Variants in TSHZ3 observed in about 807,000 individuals in gnomAD.
TSHZ3 encodes teashirt zinc finger homeobox 3.
TSHZ3 carries 10 observed loss-of-function variants against 64.5 expected under a neutral mutation model. The observed-to-expected ratio is 0.16, with a 90% CI of 0.10 to 0.26. TSHZ3 has a LOEUF of 0.26. Among genes scored for constraint, TSHZ3 ranks in the 10% least tolerant of loss-of-function variants. TSHZ3 has a pLI of 1.00. For synonymous variants in TSHZ3, 608 were observed against 593.1 expected (o/e 1.03, Z -0.36); for missense variants, 1,242 against 1,421.7 (o/e 0.87, Z 2.03).
At chr19:31,311,060 C>G in intron 1 of TSHZ3, among the ~76,000 whole-genome samples, 1 of 152,190 alleles carries the variant, frequency 6.6e-6, no homozygotes, top group East Asian at 1.9e-4. Context: ...GGAGGTGGTG[C>G]CACCTGGTAA....
rs147823653 is a variant in TSHZ3, at chr19:31,223,262, G to C, written n.686+4743C>G. On this transcript the variant is annotated intron_variant and non_coding_transcript_variant, in intron 4 of 6. Coordinates refer to the TSHZ3 transcript ENST00000651361. ...ACTCATAAAATATTAAGTCTTTAAG[G>C]CTTATCTGACACTGTAGAGCCCTCT... Among the ~76,000 whole-genome samples the C allele has an allele frequency of 5.1e-3, 770 of 152,134 alleles. 5 individuals are homozygous for C. Among genetic ancestry groups the C allele is most frequent in the Middle Eastern group, 0.014 (4 of 294 alleles).
intron 1 of TSHZ3, among the ~76,000 whole-genome samples, chr19:31,268,850 C>A (rs1005327803): frequency 1.3e-5 from 2 of 152,118 alleles, no homozygotes; most frequent in Non-Finnish European, 2.9e-5. Context: ...CCTCCCCGGG[C>A]AAATCCATCC....
intron 1 of TSHZ3, among the ~76,000 whole-genome samples, chr19:31,333,141 T>TC (rs1917142668): frequency 1.3e-5 from 2 of 150,982 alleles, no homozygotes; most frequent in African/African-American, 4.9e-5. Context: ...AATAAATAAA[T>TC]AAATAAATAA....
chr19:31,270,491 T>G (rs1030368881), downstream of TSHZ3, among the ~76,000 whole-genome samples: 1 of 152,212 alleles, frequency 6.6e-6, no homozygotes, highest in African/African-American at 2.4e-5. Context: ...TTTTATTTTT[T>G]GTAGAGACAG....
rs145295910 is a variant in TSHZ3, at chr19:31,191,660, C to G, written n.809+13296G>C. Among the ~76,000 whole-genome samples the G allele has an allele frequency of 4.7e-3, 721 of 151,972 alleles. 7 individuals carry two copies. Among genetic ancestry groups the G allele is most frequent in the African/African-American group, 0.016 (677 of 41,442 alleles). On this transcript the variant is annotated intron_variant and non_coding_transcript_variant, in intron 5 of 6. Coordinates refer to the TSHZ3 transcript ENST00000651361. ...TCACTTGTGGCCAGGATTTTGAGAG[C>G]AGACTGGGCAACATAGTGAGACCCC...
At chr19:31,319,442 CAATT>C (rs1916702253) in intron 1 of TSHZ3, among the ~76,000 whole-genome samples, 1 of 152,122 alleles carries the variant, frequency 6.6e-6, no homozygotes, top group South Asian at 2.1e-4. Flanking sequence ...GAGACACAAA[CAATT>C]AAGCCACACT....
intron 5 of TSHZ3, among the ~76,000 whole-genome samples, chr19:31,195,416 T>C (rs1974972459): frequency 6.6e-6 from 1 of 152,104 alleles, no homozygotes; most frequent in Non-Finnish European, 1.5e-5. Flanking sequence ...TCTTAAACTA[T>C]GCCAGCAAGA....
Position 31,266,871 on chromosome 19 carries a change from C to T in TSHZ3, n.64-23996G>A, listed in dbSNP as rs58786699. Among the ~76,000 whole-genome samples the T allele has an allele frequency of 3.4e-3, 517 of 152,294 alleles. 1 individual carries two copies. Among genetic ancestry groups the T allele is most frequent in the African/African-American group, 0.011 (478 of 41,574 alleles). On this transcript the variant is annotated intron_variant and non_coding_transcript_variant, in intron 1 of 6. Transcript: ENST00000651361. ...CTAGGGACCAAGCCCCTGTGGTTTC[C>T]GCCAAGGAGAGGGCCAGCCCTCCAA...
At chr19:31,305,644 C>T (rs1349780084) in intron 1 of TSHZ3, 1 of 152,142 alleles carries the variant, frequency 6.6e-6, no homozygotes, top group Non-Finnish European at 1.5e-5. Context: ...GGCACAAGTT[C>T]CACAGGCAGG....
intron 1 of TSHZ3, among the ~76,000 whole-genome samples, chr19:31,282,757 A>G (rs1976386249): frequency 6.6e-6 from 1 of 152,060 alleles, no homozygotes. Context: ...GAAAAGGCCA[A>G]CCTCTCAACC....
intron 6 of TSHZ3, among the ~76,000 whole-genome samples, chr19:31,155,369 A>G (rs922545441): frequency 2.0e-5 from 3 of 152,256 alleles, no homozygotes; most frequent in African/African-American, 7.2e-5. Flanking sequence ...GCATTTTTGA[A>G]ACAAAGGCAT....
upstream of TSHZ3, among the ~76,000 whole-genome samples, chr19:31,350,399 G>C (rs1262900020): frequency 1.3e-5 from 2 of 151,682 alleles, no homozygotes; most frequent in African/African-American, 4.8e-5. Context: ...GGGATGATCA[G>C]GGTCCCTCCA....
chr19:31,301,096 G>A (rs1332875871), intron 1 of TSHZ3, among the ~76,000 whole-genome samples: 3 of 152,026 alleles, frequency 2.0e-5, no homozygotes, highest in African/African-American at 4.8e-5. Flanking sequence ...TTTAAAAATC[G>A]TTTTTTCCCC....
intron 1 of TSHZ3, among the ~76,000 whole-genome samples, chr19:31,337,953 T>C (rs1437949627): frequency 6.6e-6 from 1 of 152,232 alleles, no homozygotes; most frequent in Non-Finnish European, 1.5e-5. Context: ...CCCATCATTC[T>C]TAAAAATTAA....
intron 1 of TSHZ3, among the ~76,000 whole-genome samples, chr19:31,342,505 C>T (rs774021329): frequency 6.6e-6 from 1 of 152,148 alleles, no homozygotes; most frequent in East Asian, 1.9e-4. Context: ...CAAGTCTTTA[C>T]GTATGCAAAA....
chr19:31,228,252 G>A (rs897085322), intron 3 of TSHZ3, among the ~76,000 whole-genome samples: 1 of 152,164 alleles, frequency 6.6e-6, no homozygotes, highest in Non-Finnish European at 1.5e-5. Flanking sequence ...CAGGCTGGGT[G>A]TGGTGGCTCA....
intron 1 of TSHZ3, among the ~76,000 whole-genome samples, chr19:31,253,284 G>A (rs1233303783): frequency 6.6e-6 from 1 of 152,024 alleles, no homozygotes; most frequent in African/African-American, 2.4e-5. Context: ...AAGAGCTAAG[G>A]TTTCTAAGAC....
chr19:31,277,086 G>A lies in TSHZ3; in HGVS notation c.2707C>T (p.Leu903Phe), dbSNP rs753016720. The part of the protein sequence containing the change: ...GRQSNWNPQH[L>F]LILQAQFAAS... ...GCAAACTGGGCCTGGAGGATCAGGA[G>A]GTGCTGGGGGTTCCAGTTTGACTGG... The change falls in exon 2 of 2, where the codon CTC (leucine) becomes TTC (phenylalanine). Residue 903 changes from leucine to phenylalanine, a missense_variant. This residue lies in a region of TSHZ3 where 550 missense variants were observed against 545.1 expected (regional missense o/e 1.01). Coordinates refer to ENST00000240587, the MANE Select transcript of TSHZ3 (RefSeq NM_020856.4). This position sits in a 1 kb window ranked among gnomAD's most constrained non-coding sequence, Gnocchi z 4.5. 2 of 1,604,910 alleles carry A rather than the reference G, an allele frequency of 1.2e-6. No individual in the cohort carries two copies. Among genetic ancestry groups the A allele is most frequent in the East Asian group, 4.5e-5 (2 of 44,740 alleles).
At chr19:31,294,952 T>C (rs1322132644) in intron 1 of TSHZ3, among the ~76,000 whole-genome samples, 1 of 152,048 alleles carries the variant, frequency 6.6e-6, no homozygotes, top group Non-Finnish European at 1.5e-5. Flanking sequence ...TATATCAAAA[T>C]TGAAAATATC....
Sources: allele counts gnomAD v4.1 joint callset (sites outside exome capture counted in the v4.1 genomes callset), GRCh38; gene constraint gnomAD v4.1.1; regional missense constraint gnomAD v4.1.1; non-coding constraint Gnocchi (gnomAD v3.1); transcripts MANE v1.5; gene names NCBI Gene and HGNC (gene_info 2026-07-23, HGNC 2026-07-21).